CPT1A: variants seen among roughly 807,000 people sequenced by gnomAD.
CPT1A encodes carnitine palmitoyltransferase 1A.
In CPT1A, 64 loss-of-function variants were observed where a neutral mutation model predicts 100.8. That is an observed-to-expected ratio of 0.63 (90% CI 0.52 to 0.78). The LOEUF (loss-of-function observed/expected upper bound fraction) is 0.78, where lower values mean the gene tolerates loss of function less well. Among genes scored for constraint, CPT1A ranks in the 30% least tolerant of loss-of-function variants. CPT1A has a pLI of 0.00. For missense variants in CPT1A, 802 were observed against 1,034.1 expected (o/e 0.78, Z 3.08); for synonymous variants, 363 against 396.0 (o/e 0.92, Z 0.99).
intron 1 of CPT1A, among the ~76,000 whole-genome samples, chr11:68,831,892 T>TA (rs1279593661): frequency 2.0e-5 from 3 of 151,940 alleles, no homozygotes; most frequent in Non-Finnish European, 4.4e-5. Context: ...CTTGGCCTCC[T>TA]AAAGTGCTGG....
chr11:68,826,485 A>T (rs562115523), intron 1 of CPT1A, among the ~76,000 whole-genome samples: 2 of 150,898 alleles, frequency 1.3e-5, no homozygotes, highest in Admixed American at 6.7e-5. Flanking sequence ...CTGTAATCCC[A>T]GCACTTTGGG....
At chr11:68,794,339 A>T (rs1367882637) in intron 8 of CPT1A, among the ~76,000 whole-genome samples, 1 of 152,200 alleles carries the variant, frequency 6.6e-6, no homozygotes, top group Non-Finnish European at 1.5e-5. Flanking sequence ...CACCATCCTG[A>T]CTGCAGTGAT....
intron 14 of CPT1A, among the ~76,000 whole-genome samples, chr11:68,769,369 T>C (rs919687823): frequency 6.6e-6 from 1 of 151,934 alleles, no homozygotes; most frequent in Non-Finnish European, 1.5e-5. Flanking sequence ...CCGGAGTACC[T>C]TGGACTACAG....
chr11:68,841,832 G>A lies in CPT1A; in HGVS notation c.-71C>T. The stretch of plus-strand genomic sequence containing the variant: ...GGCAGCGGCGGCGGCGGCGGCGGCG[G>A]TGGAGTGAACGAGCGGCGAGCGGGA... On this transcript the variant is annotated 5_prime_UTR_variant, in exon 1 of 19. Transcript: ENST00000265641. The surrounding 1 kb of genome is among the most constrained non-coding windows in gnomAD (Gnocchi z 6.3). 1 of 998,348 alleles carries A rather than the reference G, an allele frequency of 1.0e-6. No homozygotes were observed. 61.8% of individuals were successfully genotyped at this position (998,348 alleles called of 1,614,324 possible). A position where few individuals can be genotyped will look rare whatever the true frequency, so the allele number is the denominator to read the frequency against.
rs1856981838 is a variant in CPT1A, at chr11:68,835,279, GC to G, written c.-14+6495del. Among the ~76,000 whole-genome samples the G allele has an allele frequency of 5.9e-5, 9 of 152,302 alleles. No individual in the cohort carries two copies. The South Asian group carries it at 1.9e-3, about 32-fold the overall frequency. The stretch of plus-strand genomic sequence containing the variant: ...CGGCACTCGGGCAGGAGCTCAGACT[GC>G]AAGGAGGAGACCTGCACCTGCCCAA... On this transcript the variant is annotated intron_variant, in intron 1 of 18. Coordinates refer to ENST00000265641, the MANE Select transcript of CPT1A (RefSeq NM_001876.4).
At chr11:68,769,271 C>T (rs1854915467) in intron 14 of CPT1A, among the ~76,000 whole-genome samples, 1 of 152,156 alleles carries the variant, frequency 6.6e-6, no homozygotes, top group Non-Finnish European at 1.5e-5. Context: ...TAGGGTCTCA[C>T]TGTCATCCAG....
chr11:68,836,626 G>A (rs1412587306), intron 1 of CPT1A, among the ~76,000 whole-genome samples: 1 of 152,004 alleles, frequency 6.6e-6, no homozygotes, highest in African/African-American at 2.4e-5. Context: ...ACAAAAATTA[G>A]GCAGGCATGG....
At chr11:68,767,704 G>A (rs116452073) in intron 14 of CPT1A, among the ~76,000 whole-genome samples, 1,591 of 152,254 alleles carry the variant, frequency 0.01, 31 homozygotes, top group African/African-American at 0.037. Context: ...TCACTCTGCC[G>A]AAAGGAAAGG....
chr11:68,837,037 G>GTCTCT (rs758867547), intron 1 of CPT1A, among the ~76,000 whole-genome samples: 15 of 152,152 alleles, frequency 9.9e-5, no homozygotes, highest in East Asian at 3.9e-4. Flanking sequence ...TGACAGTTTT[G>GTCTCT]TCTCTTCTCT....
chr11:68,817,769 G>A (rs1856473400), intron 1 of CPT1A, among the ~76,000 whole-genome samples: 1 of 149,482 alleles, frequency 6.7e-6, no homozygotes. Context: ...GTCAGTGGCG[G>A]GACAGCTAAG....
chr11:68,782,143 A>C (rs144965156), intron 10 of CPT1A, among the ~76,000 whole-genome samples, 184 bp from the exon 11 acceptor site: 258 of 152,328 alleles, frequency 1.7e-3, no homozygotes, highest in African/African-American at 5.4e-3. Flanking sequence ...TGGTCTCCAG[A>C]CCACAGCATG....
chr11:68,823,980 C>T (rs1417637542), intron 1 of CPT1A, among the ~76,000 whole-genome samples: 1 of 148,848 alleles, frequency 6.7e-6, no homozygotes, highest in African/African-American at 2.5e-5. Flanking sequence ...GGTGCGGTGG[C>T]TCACGCCTGT....
chr11:68,800,146 G>A (rs986960491), intron 5 of CPT1A, among the ~76,000 whole-genome samples: 1 of 152,128 alleles, frequency 6.6e-6, no homozygotes, highest in Non-Finnish European at 1.5e-5. Flanking sequence ...CAGGCAGCAG[G>A]ATGGGAACGA....
In CPT1A at chr11:68,782,161, G is replaced by A. The variant is rs147952275; in HGVS notation, c.1164-202C>T. On this transcript the variant is annotated intron_variant, in intron 10 of 18. Transcript: ENST00000265641. ...TCTCCAGACCACAGCATGGGGAGCG[G>A]TGGGTATTTTTTGTTCAATAAATGC... 2.0e-4 allele frequency among the ~76,000 whole-genome samples: 30 copies of A among 152,306 alleles called. No homozygotes were observed. The East Asian group carries it at 4.0e-3, about 21-fold the overall frequency.
intron 1 of CPT1A, among the ~76,000 whole-genome samples, chr11:68,823,468 T>A (rs1418444827): frequency 6.6e-6 from 1 of 152,096 alleles, no homozygotes; most frequent in African/African-American, 2.4e-5. Flanking sequence ...TCTGGTCACA[T>A]TAAGGACTCA....
chr11:68,811,834 A>G (rs1856218865), intron 3 of CPT1A, among the ~76,000 whole-genome samples: 1 of 150,754 alleles, frequency 6.6e-6, no homozygotes, highest in South Asian at 2.1e-4. Context: ...AGGTGGTTAG[A>G]AAAAAAAAAT....
intron 18 of CPT1A, among the ~76,000 whole-genome samples, chr11:68,758,607 A>G (rs938790841): frequency 1.3e-5 from 2 of 150,346 alleles, no homozygotes; most frequent in East Asian, 3.9e-4. Context: ...ACCAAATTAG[A>G]TACATTTCCT....
chr11:68,812,325 G>A (rs929136259), intron 3 of CPT1A, 112 bp downstream of exon 3: 25 of 1,427,132 alleles, frequency 1.8e-5, no homozygotes, highest in Non-Finnish European at 2.1e-5. Flanking sequence ...ACAGCATCAG[G>A]AGCTTCATAT....
rs1462693097 is a variant in CPT1A, at chr11:68,755,175, A to G, written c.*2469T>C. Reference sequence around the variant, plus strand: ...AACAATTACATTTGAAACATTTAAAACCTGAGAGAGAAACCCAAATATGTT... The same window carrying G: ...AACAATTACATTTGAAACATTTAAAGCCTGAGAGAGAAACCCAAATATGTT... On this transcript the variant is annotated 3_prime_UTR_variant, in exon 19 of 19. Coordinates refer to ENST00000265641, the MANE Select transcript of CPT1A (RefSeq NM_001876.4). 3.2e-6 allele frequency: 1 copy of G among 310,640 alleles called. No homozygotes were observed. The highest frequency in any genetic ancestry group is 3.9e-4 in the Middle Eastern group (1 of 2,554). 19.2% of individuals were successfully genotyped at this position (310,640 alleles called of 1,614,324 possible).
Sources: gnomAD v4.1 joint callset for allele counts (sites outside exome capture counted in the v4.1 genomes callset) on GRCh38, gnomAD v4.1.1 for gene constraint, Gnocchi (gnomAD v3.1) non-coding constraint, MANE v1.5 for transcripts, NCBI Gene and HGNC (gene_info 2026-07-23, HGNC 2026-07-21) for gene names.